PLB1: variants seen among roughly 807,000 people sequenced by gnomAD.
The protein encoded by PLB1 is phospholipase B1, also known as phospholipase B1, membrane-associated.
In PLB1, 242 loss-of-function variants were observed where a neutral mutation model predicts 227.4. The ratio of observed to expected loss-of-function variants is 1.06; its 90% CI spans 0.96 to 1.18. The LOEUF (loss-of-function observed/expected upper bound fraction) is 1.18, where lower values mean the gene tolerates loss of function less well. Among genes scored for constraint, PLB1 ranks in the 50% most tolerant of loss-of-function variants. The pLI, the probability that PLB1 is intolerant of heterozygous loss-of-function variation, is 0.00. For missense variants in PLB1, 1,858 were observed against 1,816.3 expected, an observed-to-expected ratio of 1.02 and a Z score of -0.42; for synonymous variants, 757 against 682.2, an observed-to-expected ratio of 1.11 and a Z score of -1.71.
Position 28,566,716 on chromosome 2 carries a change from C to T in PLB1, c.1281-80C>T, listed in dbSNP as rs116332897. ...CCCGGGCTGTTTCTCGGGAGACGGG[C>T]GTTTCTGGCTAGTGTCTGAAGGGTC... On this transcript the variant is annotated intron_variant, in intron 19 of 57. Coordinates refer to ENST00000327757, the MANE Select transcript of PLB1 (RefSeq NM_153021.5). 1.4e-3 allele frequency: 2,105 copies of T among 1,476,356 alleles called. 31 individuals are homozygous for T. In the African/African-American group the frequency reaches 0.025, roughly 18 times the overall value. The allele number at this position is 1,476,356 out of a possible 1,614,324, so 91.5% of individuals were successfully genotyped here.
chr2:28,531,795 C>T lies in PLB1; in HGVS notation c.469-313C>T, dbSNP rs1399814694. 2.6e-5 allele frequency among the ~76,000 whole-genome samples: 4 copies of T among 152,140 alleles called. No homozygotes were observed. In the East Asian group the frequency reaches 7.7e-4, roughly 29 times the overall value. The stretch of plus-strand genomic sequence containing the variant: ...CAGTTTTTCCTTCTTATGCATAAGG[C>T]TTCATCATTGTAGCTGAATCATTCA... On this transcript the variant is annotated intron_variant, in intron 8 of 57. Transcript: ENST00000327757.
intron 56 of PLB1, chr2:28,633,456 G>A (rs1267379563): frequency 5.6e-6 from 1 of 177,930 alleles, no homozygotes; most frequent in African/African-American, 2.4e-5. Context: ...GAGATCATGT[G>A]TACATGGCAC....
At position 28,640,961 on chromosome 2, in the gene PLB1, A is replaced by ACTT; in HGVS notation, c.4135_4137dup (p.Phe1379dup). On this transcript the variant is annotated inframe_insertion, in exon 57 of 58. Coordinates refer to ENST00000327757, the MANE Select transcript of PLB1 (RefSeq NM_153021.5). ...GTGGGCCGCAAGACTACCTCCAACA[A>ACTT]CTTCACCCACAGCCGAGCCAAACTC... The ACTT allele has an allele frequency of 6.2e-7, 1 of 1,613,588 alleles. No individual in the cohort carries two copies. The highest frequency in any genetic ancestry group is 2.2e-5 in the East Asian group (1 of 44,822).
At chr2:28,611,206 C>T (rs1191632655) in intron 43 of PLB1, among the ~76,000 whole-genome samples, 1 of 152,214 alleles carries the variant, frequency 6.6e-6, no homozygotes, top group Non-Finnish European at 1.5e-5. Flanking sequence ...GTCTGCAACA[C>T]ATTCTAGTGT....
In PLB1 at chr2:28,589,773, A is replaced by T. The variant is rs1458720877; in HGVS notation, c.2016+3A>T. 5 of 1,612,240 alleles carry T rather than the reference A, an allele frequency of 3.1e-6. No homozygotes were observed. The South Asian group carries it at 5.5e-5, about 18-fold the overall frequency. On this transcript the variant is annotated splice_donor_region_variant and intron_variant, in intron 28 of 57. Transcript: ENST00000327757. Reference sequence around the variant, plus strand: ...CCAGTGCTCTCTGGAACAATATGGTAAGTGGCTGCGGTAGGAAAATGCATC... The same window carrying T: ...CCAGTGCTCTCTGGAACAATATGGTTAGTGGCTGCGGTAGGAAAATGCATC...
chr2:28,543,941 C>T (rs181093039), intron 14 of PLB1, among the ~76,000 whole-genome samples: 9 of 152,210 alleles, frequency 5.9e-5, no homozygotes, highest in African/African-American at 1.7e-4. Flanking sequence ...GCGTCGACGT[C>T]GAGGCTTTGA....
intron 1 of PLB1, among the ~76,000 whole-genome samples, chr2:28,504,092 C>G (rs1667386840): frequency 6.6e-6 from 1 of 152,158 alleles, no homozygotes; most frequent in Admixed American, 6.6e-5. Context: ...AAATTCTCAA[C>G]CAGTATCTCT....
chr2:28,573,122 C>CACTG, intron 20 of PLB1, 75 bp from the exon 21 acceptor site: 4 of 1,152,878 alleles, frequency 3.5e-6, no homozygotes, highest in Non-Finnish European at 5.2e-6. Flanking sequence ...CCCTAACACC[C>CACTG]ACTGGTGCTT....
intron 56 of PLB1, among the ~76,000 whole-genome samples, chr2:28,634,776 T>C (rs34188383): frequency 0.26 from 39,495 of 151,982 alleles, 5,716 homozygotes; most frequent in African/African-American, 0.38. Flanking sequence ...CCAGGTGTGG[T>C]GGTGCATGCC....
intron 21 of PLB1, among the ~76,000 whole-genome samples, chr2:28,576,325 C>G (rs1023888836): frequency 1.3e-5 from 2 of 152,222 alleles, no homozygotes; most frequent in Non-Finnish European, 2.9e-5. Context: ...CATGCAGATA[C>G]AGCAGTGCAC....
At position 28,620,306 on chromosome 2, in the gene PLB1, C is replaced by T. The variant is rs776472157; in HGVS notation, c.3357C>T (p.Pro1119=). The T allele has an allele frequency of 6.2e-7, 1 of 1,605,802 alleles. No individual in the cohort carries two copies. Among genetic ancestry groups the T allele is most frequent in the South Asian group, 1.1e-5 (1 of 89,802 alleles). The stretch of plus-strand genomic sequence containing the variant: ...GACCAAACAACTCCAGTGACCTACC[C>T]ACATCTTGGAGGGGACTCTCTTGGA... ...GARPNNSSDL[P]TSWRGLSWSI... The change falls in exon 47 of 58, where the codon CCC becomes CCT. Residue 1119 remains proline, a synonymous_variant. Coordinates refer to ENST00000327757, the MANE Select transcript of PLB1 (RefSeq NM_153021.5).
intron 20 of PLB1, among the ~76,000 whole-genome samples, chr2:28,572,011 C>A (rs1678095690): frequency 6.6e-6 from 1 of 152,110 alleles, no homozygotes; most frequent in African/African-American, 2.4e-5. Context: ...AAACACTTGC[C>A]AATCCTATAT....
chr2:28,571,607 G>A (rs1678026104), intron 20 of PLB1, among the ~76,000 whole-genome samples: 1 of 152,158 alleles, frequency 6.6e-6, no homozygotes, highest in Non-Finnish European at 1.5e-5. Flanking sequence ...ATATCGAACA[G>A]TGGACTAAGA....
intron 1 of PLB1, among the ~76,000 whole-genome samples, chr2:28,507,320 T>A (rs1667744428): frequency 6.6e-6 from 1 of 152,110 alleles, no homozygotes; most frequent in Non-Finnish European, 1.5e-5. Context: ...AAATTTTTAG[T>A]CTCATGGTTC....
intron 13 of PLB1, among the ~76,000 whole-genome samples, chr2:28,542,772 G>T (rs1672691265): frequency 6.6e-6 from 1 of 152,176 alleles, no homozygotes; most frequent in Non-Finnish European, 1.5e-5. Flanking sequence ...TCCCGTGTCT[G>T]GGAACAGTCC....
intron 13 of PLB1, among the ~76,000 whole-genome samples, 160 bp downstream of exon 13, chr2:28,541,971 A>T (rs1341006778): frequency 6.6e-6 from 1 of 152,070 alleles, no homozygotes; most frequent in East Asian, 1.9e-4. Context: ...TGTCTCTACT[A>T]AAAATACAAA....
chr2:28,569,706 C>T lies in PLB1; in HGVS notation c.1324+2867C>T, dbSNP rs1677667305. Among the ~76,000 whole-genome samples the T allele has an allele frequency of 5.9e-5, 9 of 152,106 alleles. No homozygotes were observed. In the South Asian group the frequency reaches 1.9e-3, roughly 32 times the overall value. On this transcript the variant is annotated intron_variant, in intron 20 of 57. Coordinates refer to ENST00000327757, the MANE Select transcript of PLB1 (RefSeq NM_153021.5). ...TGAGGCCAGGCGTGGTGGCTCACGCCTGTAATCCCAGCACTTTGGGAGGCC... is the reference window on the plus strand; with the variant it reads ...TGAGGCCAGGCGTGGTGGCTCACGCTTGTAATCCCAGCACTTTGGGAGGCC...
intron 17 of PLB1, among the ~76,000 whole-genome samples, chr2:28,554,090 A>T (rs1674648413): frequency 6.6e-6 from 1 of 152,156 alleles, no homozygotes; most frequent in Non-Finnish European, 1.5e-5. Context: ...GGAATAGGGG[A>T]TGTAGATCTT....
intron 43 of PLB1, 76 bp downstream of exon 43, chr2:28,606,643 C>A: frequency 7.5e-7 from 1 of 1,328,764 alleles, no homozygotes; most frequent in Non-Finnish European, 1.1e-6. Context: ...TCGTCCTCCA[C>A]CACAGCTTCC....
Sources: allele counts gnomAD v4.1 joint callset (sites outside exome capture counted in the v4.1 genomes callset), GRCh38; gene constraint gnomAD v4.1.1; transcripts MANE v1.5; gene names NCBI Gene and HGNC (gene_info 2026-07-23, HGNC 2026-07-21).